The following CAMK2D variants were observed in gnomAD, a reference collection of about 807,000 sequenced individuals.
CAMK2D encodes calcium/calmodulin dependent protein kinase II delta.
CAMK2D carries 37 observed loss-of-function variants against 84.0 expected under a neutral mutation model. The observed-to-expected ratio is 0.44, with a 90% confidence interval of 0.34 to 0.58. The LOEUF (loss-of-function observed/expected upper bound fraction) is 0.58. Among genes scored for constraint, CAMK2D ranks in the 20% least tolerant of loss-of-function variants. CAMK2D has a pLI of 0.02. For missense variants in CAMK2D, 448 were observed against 652.5 expected (o/e 0.69, Z 3.41); for synonymous variants, 202 against 212.5 (o/e 0.95, Z 0.43).
At chr4:113,683,026 G>A (rs1372872550) in intron 2 of CAMK2D, among the ~76,000 whole-genome samples, 1 of 152,116 alleles carries the variant, frequency 6.6e-6, no homozygotes, top group Non-Finnish European at 1.5e-5. Context: ...AAATAAAAAG[G>A]TATTTGGAAA....
chr4:113,660,591 A>G (rs975535686), intron 3 of CAMK2D, among the ~76,000 whole-genome samples: 3 of 151,988 alleles, frequency 2.0e-5, no homozygotes, highest in African/African-American at 4.8e-5. Context: ...TGGTCTTGCC[A>G]TATTGCCCAG....
chr4:113,634,289 T>C (rs2099101694), intron 3 of CAMK2D, among the ~76,000 whole-genome samples: 4 of 152,212 alleles, frequency 2.6e-5, no homozygotes, highest in Admixed American at 2.6e-4. Context: ...GGTTCTGACA[T>C]ATTTATTCAG....
intron 3 of CAMK2D, among the ~76,000 whole-genome samples, chr4:113,623,202 A>T (rs748431378): frequency 3.1e-4 from 47 of 152,136 alleles, no homozygotes; most frequent in Middle Eastern, 3.2e-3. Flanking sequence ...TTTTTCAGTG[A>T]CTATGCATAT....
At position 113,461,584 on chromosome 4, in the gene CAMK2D, A is replaced by C. The variant is rs114517130; in HGVS notation, c.1212-1343T>G. On this transcript the variant is annotated intron_variant, in intron 17 of 20. Transcript: ENST00000511664. ...TAAGGCCCCTGGAAATGCAGAGAAGAAAATATTTCCTTTGGGCCTATGGTG... is the reference window on the plus strand; with the variant it reads ...TAAGGCCCCTGGAAATGCAGAGAAGCAAATATTTCCTTTGGGCCTATGGTG... Among the ~76,000 whole-genome samples, 549 of 152,318 alleles carry C rather than the reference A, an allele frequency of 3.6e-3. 2 individuals are homozygous for C. The highest frequency in any genetic ancestry group is 0.013 in the African/African-American group (529 of 41,568).
chr4:113,598,232 C>T (rs1211656019), intron 4 of CAMK2D, among the ~76,000 whole-genome samples: 1 of 152,096 alleles, frequency 6.6e-6, no homozygotes, highest in Non-Finnish European at 1.5e-5. Context: ...GAAATACACT[C>T]TCATAAGTAC....
At chr4:113,509,795 G>C (rs2098185767) in intron 12 of CAMK2D, 120 bp from the exon 13 acceptor site, 3 of 699,748 alleles carry the variant, frequency 4.3e-6, no homozygotes. Flanking sequence ...CCAACATATG[G>C]CAAGTTATCA....
chr4:113,466,917 C>T (rs1015339748), intron 16 of CAMK2D, among the ~76,000 whole-genome samples: 3 of 152,100 alleles, frequency 2.0e-5, no homozygotes, highest in African/African-American at 7.2e-5. Context: ...AATGTGTCTT[C>T]CTTGTTAACT....
At chr4:113,460,393 G>A in intron 17 of CAMK2D, 152 bp from the exon 18 acceptor site, 1 of 641,674 alleles carries the variant, frequency 1.6e-6, no homozygotes, top group Non-Finnish European at 2.8e-6. Flanking sequence ...CCTTGGCAAG[G>A]TGGGTTGAGG....
intron 18 of CAMK2D, among the ~76,000 whole-genome samples, chr4:113,459,720 G>C (rs948422711): frequency 6.7e-6 from 1 of 148,504 alleles, no homozygotes; most frequent in East Asian, 2.0e-4. Flanking sequence ...TCCACCTCAC[G>C]GGTTCAAGCA....
Position 113,609,193 on chromosome 4 carries a change from A to G in CAMK2D, c.234T>C (p.Asp78=). 6.3e-7 allele frequency: 1 copy of G among 1,580,784 alleles called. No individual in the cohort carries two copies. The highest frequency in any genetic ancestry group is 8.7e-7 in the Non-Finnish European group (1 of 1,149,848). Residue 78 remains aspartate, a synonymous_variant, in exon 4 of 21, where the codon GAT becomes GAC. Transcript: ENST00000511664. The part of the protein sequence containing the change: ...LKHPNIVRLH[D]SISEEGFHYL... ...AGTGAAAGCCCTCTTCTGATATGCT[A>G]TCATGAAGTCGCACTAGAAAAAAAT...
intron 2 of CAMK2D, among the ~76,000 whole-genome samples, chr4:113,673,355 C>T (rs1216067023): frequency 2.0e-5 from 3 of 152,166 alleles, no homozygotes; most frequent in Non-Finnish European, 4.4e-5. Context: ...ATGCTTCCAA[C>T]AATTGCAAGA....
In CAMK2D at chr4:113,748,290, A is replaced by G. The variant is rs907995782; in HGVS notation, c.160+11030T>C. Among the ~76,000 whole-genome samples the G allele has an allele frequency of 3.3e-5, 5 of 150,714 alleles. No individual in the cohort carries two copies. In the East Asian group the frequency reaches 9.6e-4, roughly 29 times the overall value. Reference sequence around the variant, plus strand: ...TAGCAGAAGGACCAGAACATGGTGAATAAGCATTTTTTGTTAAATTGAAGT... The same window carrying G: ...TAGCAGAAGGACCAGAACATGGTGAGTAAGCATTTTTTGTTAAATTGAAGT... On this transcript the variant is annotated intron_variant, in intron 2 of 20. Coordinates refer to ENST00000511664, the MANE Select transcript of CAMK2D (RefSeq NM_001321571.2).
At chr4:113,625,693 T>C (rs2099064966) in intron 3 of CAMK2D, among the ~76,000 whole-genome samples, 1 of 152,112 alleles carries the variant, frequency 6.6e-6, no homozygotes, top group African/African-American at 2.4e-5. Context: ...TGAGGGGTTA[T>C]ACAGAGCCTT....
chr4:113,664,845 C>A (rs576553399), intron 2 of CAMK2D, among the ~76,000 whole-genome samples: 1 of 149,936 alleles, frequency 6.7e-6, no homozygotes, highest in Non-Finnish European at 1.5e-5. Context: ...CTCTTGTCAA[C>A]CAGGCAGGAG....
At chr4:113,749,016 C>T (rs982438060) in intron 2 of CAMK2D, among the ~76,000 whole-genome samples, 1 of 151,776 alleles carries the variant, frequency 6.6e-6, no homozygotes, top group African/African-American at 2.4e-5. Flanking sequence ...ACAATTTCTA[C>T]AAAACTGCCA....
intron 16 of CAMK2D, among the ~76,000 whole-genome samples, chr4:113,469,927 G>C (rs559884988): frequency 6.6e-6 from 1 of 152,084 alleles, no homozygotes; most frequent in Admixed American, 6.6e-5. Context: ...TTCTTGTCCA[G>C]GCTCTGTAAC....
intron 2 of CAMK2D, among the ~76,000 whole-genome samples, chr4:113,686,942 T>C (rs1227075150): frequency 6.6e-6 from 1 of 151,924 alleles, no homozygotes; most frequent in Non-Finnish European, 1.5e-5. Context: ...AAAAATAATA[T>C]AGGTAGAAGG....
At chr4:113,532,272 T>TA (rs1377164776) in intron 7 of CAMK2D, among the ~76,000 whole-genome samples, 11 of 152,208 alleles carry the variant, frequency 7.2e-5, no homozygotes, top group African/African-American at 2.7e-4. Context: ...ACTTTGCACT[T>TA]AATCTTTTTT....
chr4:113,614,642 G>A (rs888514330), intron 3 of CAMK2D, among the ~76,000 whole-genome samples: 4 of 152,144 alleles, frequency 2.6e-5, no homozygotes, highest in Non-Finnish European at 5.9e-5. Flanking sequence ...AATGACCTCA[G>A]CTACAGTAGA....
Sources: gnomAD v4.1 joint callset for allele counts (sites outside exome capture counted in the v4.1 genomes callset) on GRCh38, gnomAD v4.1.1 for gene constraint, MANE v1.5 for transcripts, NCBI Gene and HGNC (gene_info 2026-07-23, HGNC 2026-07-21) for gene names.